ANK2: variants seen among roughly 807,000 people sequenced by gnomAD.
ANK2 encodes ankyrin-2.
A neutral mutation model predicts 360.5 loss-of-function variants in ANK2; 83 were observed. The ratio of observed to expected loss-of-function variants is 0.23; its 90% confidence interval spans 0.19 to 0.28. ANK2 has a LOEUF of 0.28. Among genes scored for constraint, ANK2 ranks in the 10% least tolerant of loss-of-function variants. The pLI is 1.00. For missense variants in ANK2, 4,201 were observed against 4,795.7 expected (o/e 0.88, Z 3.66); for synonymous variants, 1,740 against 1,759.5 (o/e 0.99, Z 0.28).
rs113165970 is a variant in ANK2 at position 113,257,406 on chromosome 4, T to C, written c.1189-644T>C. Among the ~76,000 whole-genome samples, 65 of 152,278 alleles carry C rather than the reference T, an allele frequency of 4.3e-4. 1 individual carries two copies. Among genetic ancestry groups the C allele is most frequent in the African/African-American group, 1.5e-3 (64 of 41,558 alleles). ...TTATCCCAGAAATTCTCCATACATT[T>C]CTTGAAAATATTCGAGAACTTAACA... On this transcript the variant is annotated intron_variant, in intron 11 of 45. Coordinates refer to ENST00000357077, the MANE Select transcript of ANK2 (RefSeq NM_001148.6).
intron 32 of ANK2, among the ~76,000 whole-genome samples, chr4:113,339,928 CATT>C (rs2094062540): frequency 6.6e-6 from 1 of 152,164 alleles, no homozygotes; most frequent in Non-Finnish European, 1.5e-5. Flanking sequence ...GGGCAAGAGA[CATT>C]ATGTCCATTT....
At chr4:112,885,960 A>T (rs577480805) in intron 1 of ANK2, among the ~76,000 whole-genome samples, 155 of 152,114 alleles carry the variant, frequency 1.0e-3, no homozygotes, top group Non-Finnish European at 1.4e-3. Context: ...CTGTCTGGGA[A>T]CAGTTTTCTG....
chr4:112,886,447 G>A (rs1211128700), intron 1 of ANK2, among the ~76,000 whole-genome samples: 5 of 152,016 alleles, frequency 3.3e-5, no homozygotes, highest in South Asian at 4.1e-4. Flanking sequence ...GGCAGATCAC[G>A]AGGTCAGGAG....
At chr4:113,168,424 C>T (rs1018401449) in intron 1 of ANK2, among the ~76,000 whole-genome samples, 1 of 152,132 alleles carries the variant, frequency 6.6e-6, no homozygotes, top group African/African-American at 2.4e-5. Flanking sequence ...TATGTCTGAA[C>T]CAATTTTCTT....
chr4:113,197,761 T>C (rs1271581538), intron 3 of ANK2, among the ~76,000 whole-genome samples: 4 of 152,208 alleles, frequency 2.6e-5, no homozygotes, highest in South Asian at 2.1e-4. Context: ...GAAGTAAACA[T>C]GTGAATTCAC....
chr4:113,065,397 A>C (rs1235865787), intron 1 of ANK2, among the ~76,000 whole-genome samples: 1 of 152,248 alleles, frequency 6.6e-6, no homozygotes, highest in Non-Finnish European at 1.5e-5. Flanking sequence ...GTATGCATGC[A>C]AGTGACTTTA....
intron 1 of ANK2, among the ~76,000 whole-genome samples, chr4:113,067,223 A>G (rs372074928): frequency 1.9e-3 from 284 of 152,192 alleles, no homozygotes; most frequent in African/African-American, 6.4e-3. Flanking sequence ...CTAGGGAGAC[A>G]TGATATGGAA....
At chr4:112,763,329 C>T in the ANK2 span, among the ~76,000 whole-genome samples, 1 of 147,888 alleles carries the variant, frequency 6.8e-6, no homozygotes, top group African/African-American at 2.5e-5. Flanking sequence ...CCCGGGTTTA[C>T]GCCATTCTCC....
intron 1 of ANK2, among the ~76,000 whole-genome samples, chr4:113,062,529 T>C (rs556149134): frequency 6.6e-6 from 1 of 152,170 alleles, no homozygotes; most frequent in East Asian, 1.9e-4. Context: ...TCATATAAGA[T>C]TTTCTGCACT....
At chr4:112,766,628 C>T in the ANK2 span, among the ~76,000 whole-genome samples, 1 of 152,128 alleles carries the variant, frequency 6.6e-6, no homozygotes, top group Non-Finnish European at 1.5e-5. Context: ...CAAGGTGGCG[C>T]CCAGCAGCTC....
chr4:113,025,185 A>G (rs982845465), intron 2 of ANK2, among the ~76,000 whole-genome samples: 10 of 152,140 alleles, frequency 6.6e-5, no homozygotes, highest in African/African-American at 1.9e-4. Context: ...TAAACATAAC[A>G]GCAGTGTTCT....
Position 113,292,499 on chromosome 4 carries a change from C to T in ANK2, c.2361C>T (p.Pro787=). 6.2e-7 allele frequency: 1 copy of T among 1,610,118 alleles called. No homozygotes were observed. The highest frequency in any genetic ancestry group is 8.5e-7 in the Non-Finnish European group (1 of 1,178,134). ...TCCTGCTCCAGCATGGGGCCAAGCC[C>T]AACGCCACCACTGCGGTAAGGCAGA... ...INVLLQHGAK[P]NATTANGNTA... The change falls in exon 21 of 46, where the codon CCC becomes CCT. Residue 787 remains proline (P), a synonymous_variant. Transcript: ENST00000357077.
chr4:113,179,654 A>G (rs2098342693), intron 2 of ANK2, among the ~76,000 whole-genome samples: 1 of 152,316 alleles, frequency 6.6e-6, no homozygotes, highest in East Asian at 1.9e-4. Context: ...TAGAAGAGAA[A>G]ATAAATCTTA....
chr4:113,054,410 G>A (rs143267954), intron 1 of ANK2, among the ~76,000 whole-genome samples: 247 of 152,166 alleles, frequency 1.6e-3, no homozygotes, highest in African/African-American at 5.7e-3. Context: ...CAGATGTGTG[G>A]TTAAAATGTT....
intron 2 of ANK2, among the ~76,000 whole-genome samples, chr4:112,911,834 A>T (rs2087568371): frequency 6.6e-6 from 1 of 152,352 alleles, no homozygotes; most frequent in East Asian, 1.9e-4. Flanking sequence ...CTAAAAATAC[A>T]TCTGTTTAAT....
intron 2 of ANK2, among the ~76,000 whole-genome samples, chr4:112,991,236 C>CAAAAAA (rs10687542): frequency 8.2e-6 from 1 of 122,276 alleles, no homozygotes. Context: ...GACAGAGCCT[C>CAAAAAA]AAAAAAAAAA....
chr4:113,264,870 G>A (rs780509131), intron 13 of ANK2, 27 bp from the exon 14 acceptor site: 8 of 1,551,626 alleles, frequency 5.2e-6, no homozygotes, highest in Non-Finnish European at 7.0e-6. Context: ...GTTAATTTAT[G>A]ATTTGACGAT....
intron 2 of ANK2, among the ~76,000 whole-genome samples, chr4:112,976,715 CT>C (rs909340917): frequency 3.3e-4 from 50 of 150,842 alleles, no homozygotes; most frequent in African/African-American, 7.8e-4. Flanking sequence ...GAGGTTTGCA[CT>C]TTTTTTTCCC....
At chr4:112,762,551 G>A in the ANK2 span, among the ~76,000 whole-genome samples, 22 of 152,274 alleles carry the variant, frequency 1.4e-4, no homozygotes, top group South Asian at 4.3e-3. Flanking sequence ...TCACTGTCAC[G>A]TAGGCTGGAG....
Sources: gnomAD v4.1 joint callset for allele counts (sites outside exome capture counted in the v4.1 genomes callset) on GRCh38, gnomAD v4.1.1 for gene constraint, MANE v1.5 for transcripts, NCBI Gene and HGNC (gene_info 2026-07-23, HGNC 2026-07-21) for gene names.